TNNI3K: variants seen among roughly 807,000 people sequenced by gnomAD.
TNNI3K encodes serine/threonine-protein kinase TNNI3K.
TNNI3K carries 140 observed loss-of-function variants against 114.5 expected under a neutral mutation model. The ratio of observed to expected loss-of-function variants is 1.22; its 90% confidence interval spans 1.07 to 1.41. The LOEUF is 1.41. TNNI3K is among the 40% of genes most tolerant of loss of function. The probability of loss-of-function intolerance (pLI) is 0.00; values close to 1 mark genes in which losing one functional copy is unlikely to be tolerated. For missense variants in TNNI3K, 1,125 were observed against 1,007.6 expected (o/e 1.12, Z -1.58); for synonymous variants, 347 against 347.5 (o/e 1.00, Z 0.02).
rs780491402 is a variant in TNNI3K, at chr1:74,475,328, G to A, written c.2121+11778G>A. ...CTTATTATATGGTGTTGCAGAGTTT[G>A]AGGCTGGACTTCTCCAGGCTCAAGA... On this transcript the variant is annotated intron_variant, in intron 21 of 24. Transcript: ENST00000326637. 5 of 704,576 alleles carry A rather than the reference G, an allele frequency of 7.1e-6. 1 individual carries two copies. Among genetic ancestry groups the A allele is most frequent in the South Asian group, 6.1e-5 (4 of 65,952 alleles). The allele number at this position is 704,576 out of a possible 1,614,324, so 43.6% of individuals were successfully genotyped here. A position where few individuals can be genotyped will look rare whatever the true frequency, so the allele number is the denominator to read the frequency against.
chr1:74,499,058 C>A (rs1192892198), intron 23 of TNNI3K, among the ~76,000 whole-genome samples: 3 of 152,094 alleles, frequency 2.0e-5, no homozygotes. Context: ...AATAAATAAA[C>A]AAGCAAACCA....
chr1:74,452,205 T>G (rs915907898), intron 20 of TNNI3K, among the ~76,000 whole-genome samples: 2 of 152,162 alleles, frequency 1.3e-5, no homozygotes, highest in Non-Finnish European at 2.9e-5. Context: ...AAGTTCTGTT[T>G]CCTCAGTAAA....
chr1:74,286,564 G>T (rs1657346341), intron 5 of TNNI3K, among the ~76,000 whole-genome samples: 1 of 152,070 alleles, frequency 6.6e-6, no homozygotes, highest in Non-Finnish European at 1.5e-5. Flanking sequence ...CTCCCCAGTA[G>T]ACCCAGGCTC....
At chr1:74,376,496 A>G (rs1662910564) in intron 17 of TNNI3K, 1 of 152,042 alleles carries the variant, frequency 6.6e-6, no homozygotes, top group African/African-American at 2.4e-5. Context: ...TTATATTACC[A>G]TACTTATAAA....
chr1:74,332,363 C>A (rs987879148), intron 6 of TNNI3K, among the ~76,000 whole-genome samples: 1 of 150,910 alleles, frequency 6.6e-6, no homozygotes, highest in Non-Finnish European at 1.5e-5. Flanking sequence ...TGCAGTGGCT[C>A]GATCTCGGCT....
chr1:74,530,417 A>G (rs2344507), intron 23 of TNNI3K, among the ~76,000 whole-genome samples: 142,902 of 152,262 alleles, frequency 0.94, 67,184 homozygotes, highest in Middle Eastern at 0.97. Context: ...ATATAAAATG[A>G]GTTGTTAGGT....
At chr1:74,413,335 AT>A (rs1664974807) in intron 17 of TNNI3K, among the ~76,000 whole-genome samples, 1 of 152,210 alleles carries the variant, frequency 6.6e-6, no homozygotes, top group Non-Finnish European at 1.5e-5. Flanking sequence ...ATTTTCTAGC[AT>A]CTTCTCAATA....
chr1:74,332,450 G>C (rs908589433), intron 6 of TNNI3K, among the ~76,000 whole-genome samples: 2 of 151,912 alleles, frequency 1.3e-5, no homozygotes, highest in African/African-American at 4.8e-5. Context: ...ACAGGCACCT[G>C]CCACCACGCC....
rs1389109493 is a variant in TNNI3K at position 74,497,384 on chromosome 1, C to T, written c.2351+5118C>T. On this transcript the variant is annotated intron_variant, in intron 23 of 24. Coordinates refer to ENST00000326637, the MANE Select transcript of TNNI3K (RefSeq NM_015978.3). ...TTTTGTACTAAAATTTTCAAATATTCCCTTTTCTTCCAATCTTTCTATCCT... is the reference window on the plus strand; with the variant it reads ...TTTTGTACTAAAATTTTCAAATATTTCCTTTTCTTCCAATCTTTCTATCCT... Among the ~76,000 whole-genome samples, 5 of 152,140 alleles carry T rather than the reference C, an allele frequency of 3.3e-5. No individual in the cohort carries two copies. In the East Asian group the frequency reaches 9.6e-4, roughly 29 times the overall value.
At chr1:74,354,179 A>C (rs200090253) in intron 11 of TNNI3K, 50 bp downstream of exon 11, 15 of 1,608,612 alleles carry the variant, frequency 9.3e-6, no homozygotes, top group Non-Finnish European at 1.2e-5. Flanking sequence ...AACTGTGTGC[A>C]TAGATTATGT....
At chr1:74,282,766 ATGT>A (rs756023476) in intron 5 of TNNI3K, among the ~76,000 whole-genome samples, 3 of 151,984 alleles carry the variant, frequency 2.0e-5, no homozygotes, top group Admixed American at 6.6e-5. Context: ...ATGTAGCCTG[ATGT>A]TGTTTTTATT....
chr1:74,296,618 G>A (rs1342088291), intron 5 of TNNI3K, among the ~76,000 whole-genome samples: 1 of 151,804 alleles, frequency 6.6e-6, no homozygotes, highest in Non-Finnish European at 1.5e-5. Context: ...ACATATACTG[G>A]GGGTGTATTT....
chr1:74,420,190 T>G (rs1665328365), intron 17 of TNNI3K, among the ~76,000 whole-genome samples: 1 of 152,100 alleles, frequency 6.6e-6, no homozygotes. Flanking sequence ...AAGCCAAAAA[T>G]TAACTAGAAG....
chr1:74,239,733 G>A (rs948333536), intron 2 of TNNI3K, among the ~76,000 whole-genome samples: 2 of 152,042 alleles, frequency 1.3e-5, no homozygotes, highest in Non-Finnish European at 2.9e-5. Flanking sequence ...CTATCAGCTC[G>A]AATACACAAT....
chr1:74,503,259 A>G (rs890690762), intron 23 of TNNI3K, among the ~76,000 whole-genome samples: 13 of 152,242 alleles, frequency 8.5e-5, no homozygotes, highest in Non-Finnish European at 1.5e-4. Context: ...ATAGGGAATC[A>G]GCATCTTTTA....
intron 17 of TNNI3K, among the ~76,000 whole-genome samples, chr1:74,389,019 T>C (rs1041489882): frequency 2.0e-5 from 3 of 152,226 alleles, no homozygotes; most frequent in Non-Finnish European, 4.4e-5. Context: ...GAGAGTACTT[T>C]GTTGGATGAA....
chr1:74,357,688 C>T (rs1661737622), intron 11 of TNNI3K, among the ~76,000 whole-genome samples: 1 of 152,112 alleles, frequency 6.6e-6, no homozygotes, highest in Admixed American at 6.6e-5. Flanking sequence ...TCATCCTACA[C>T]AGAAGCCACT....
chr1:74,336,850 C>T (rs904815366), intron 7 of TNNI3K, among the ~76,000 whole-genome samples: 36 of 152,078 alleles, frequency 2.4e-4, no homozygotes, highest in African/African-American at 8.5e-4. Flanking sequence ...ATTTATAGTC[C>T]TTTGGGTATA....
intron 5 of TNNI3K, among the ~76,000 whole-genome samples, chr1:74,311,355 T>C (rs1658985713): frequency 6.6e-6 from 1 of 152,154 alleles, no homozygotes; most frequent in South Asian, 2.1e-4. Context: ...ATCTGTCATA[T>C]ACAGTGAAGA....
Sources: gnomAD v4.1 joint callset for allele counts (sites outside exome capture counted in the v4.1 genomes callset) on GRCh38, gnomAD v4.1.1 for gene constraint, MANE v1.5 for transcripts, NCBI Gene and HGNC (gene_info 2026-07-23, HGNC 2026-07-21) for gene names.